ASPH: variants seen among roughly 807,000 people sequenced by gnomAD.
ASPH encodes aspartate beta-hydroxylase.
A neutral mutation model predicts 118.4 loss-of-function variants in ASPH; 100 were observed. The observed-to-expected ratio is 0.84, with a 90% CI of 0.72 to 1.00. The LOEUF (loss-of-function observed/expected upper bound fraction) is 1.00, where lower values mean the gene tolerates loss of function less well. Ranked by LOEUF, ASPH falls within the 50% of genes least tolerant of loss-of-function variation. The pLI, the probability that ASPH is intolerant of heterozygous loss-of-function variation, is 0.00. For missense variants in ASPH, 920 were observed against 919.5 expected, an observed-to-expected ratio of 1.00 and a Z score of -0.01; for synonymous variants, 315 against 325.6, an observed-to-expected ratio of 0.97 and a Z score of 0.35.
chr8:61,649,094 G>A (rs1408346019), intron 5 of ASPH, among the ~76,000 whole-genome samples: 1 of 152,150 alleles, frequency 6.6e-6, no homozygotes, highest in Non-Finnish European at 1.5e-5. Flanking sequence ...AGGTTATAGA[G>A]GAGCAAGTAT....
intron 3 of ASPH, among the ~76,000 whole-genome samples, chr8:61,669,445 C>T (rs1268744088): frequency 1.3e-5 from 2 of 152,162 alleles, no homozygotes; most frequent in African/African-American, 2.4e-5. Context: ...ATATGAAATA[C>T]ATAGGTAACC....
At chr8:61,658,702 C>A (rs537981489) in intron 3 of ASPH, 1 of 152,226 alleles carries the variant, frequency 6.6e-6, no homozygotes, top group Non-Finnish European at 1.5e-5. Context: ...TCTTTACACC[C>A]CCCTCCCTGC....
chr8:61,547,592 T>C (rs1824386617), intron 21 of ASPH, among the ~76,000 whole-genome samples: 1 of 152,248 alleles, frequency 6.6e-6, no homozygotes, highest in African/African-American at 2.4e-5. Context: ...TCCTGTTGTC[T>C]ATTAATCCAG....
chr8:61,543,857 C>G (rs1822840798), intron 21 of ASPH, among the ~76,000 whole-genome samples: 1 of 152,072 alleles, frequency 6.6e-6, no homozygotes, highest in Non-Finnish European at 1.5e-5. Context: ...ATCTCTATTG[C>G]CTGTAGCCTT....
chr8:61,653,245 G>C (rs1274530288), intron 4 of ASPH, among the ~76,000 whole-genome samples: 1 of 152,140 alleles, frequency 6.6e-6, no homozygotes, highest in East Asian at 1.9e-4. Flanking sequence ...GTGTAGAATT[G>C]TGTGTATTTT....
intron 14 of ASPH, among the ~76,000 whole-genome samples, chr8:61,586,568 C>G (rs1384301168): frequency 6.6e-6 from 1 of 152,146 alleles, no homozygotes; most frequent in Non-Finnish European, 1.5e-5. Context: ...TCACTCTGCG[C>G]CAGTCGCCCG....
Position 61,503,050 on chromosome 8 carries a change from T to C in ASPH, c.*309A>G. The C allele has an allele frequency of 4.4e-6, 1 of 225,008 alleles. No individual in the cohort carries two copies. Among genetic ancestry groups the C allele is most frequent in the Admixed American group, 5.8e-5 (1 of 17,382 alleles). The allele number at this position is 225,008 out of a possible 1,614,324, so 13.9% of individuals were successfully genotyped here. Reference sequence around the variant, plus strand: ...CATATGTTCTCATTATACATTGAATTAGACCTATTCTATGTGGAAAAAATA... The same window carrying C: ...CATATGTTCTCATTATACATTGAATCAGACCTATTCTATGTGGAAAAAATA... On this transcript the variant is annotated 3_prime_UTR_variant, in exon 25 of 25. Transcript: ENST00000379454.
chr8:61,631,348 C>T (rs909290520), intron 13 of ASPH, among the ~76,000 whole-genome samples: 1 of 152,170 alleles, frequency 6.6e-6, no homozygotes, highest in South Asian at 2.1e-4. Context: ...GTGCTGTAAG[C>T]TCTACTCATG....
intron 5 of ASPH, among the ~76,000 whole-genome samples, chr8:61,647,249 A>G (rs145817398): frequency 5.2e-4 from 79 of 152,350 alleles, no homozygotes; most frequent in African/African-American, 1.6e-3. Flanking sequence ...TGCCTCTTCA[A>G]TTATCCTCAG....
chr8:61,545,994 C>A (rs1196714695), intron 21 of ASPH, among the ~76,000 whole-genome samples: 1 of 152,226 alleles, frequency 6.6e-6, no homozygotes, highest in Non-Finnish European at 1.5e-5. Flanking sequence ...TGCCAGCCAT[C>A]TGGTGTTTCA....
At position 61,517,666 on chromosome 8, in the gene ASPH, A is replaced by G; in HGVS notation, c.1993-5T>C. On this transcript the variant is annotated splice_region_variant and splice_polypyrimidine_tract_variant and intron_variant, in intron 23 of 24. Coordinates refer to ENST00000379454, the MANE Select transcript of ASPH (RefSeq NM_004318.4). Reference sequence around the variant, plus strand: ...GTGCATGATGGAATATTTGATCTGCATAGAAAACATGACACTCCATTCAGC... The same window carrying G: ...GTGCATGATGGAATATTTGATCTGCGTAGAAAACATGACACTCCATTCAGC... 1 of 1,612,936 alleles carries G rather than the reference A, an allele frequency of 6.2e-7. No homozygotes were observed. The highest frequency in any genetic ancestry group is 8.5e-7 in the Non-Finnish European group (1 of 1,178,992).
chr8:61,682,463 A>G, intron 2 of ASPH: 1 of 1,612,816 alleles, frequency 6.2e-7, no homozygotes, highest in South Asian at 1.1e-5. Flanking sequence ...GATAAGTTAT[A>G]ACGGAAGTCC....
chr8:61,548,917 C>G lies in ASPH; in HGVS notation c.1627-709G>C, dbSNP rs530944319. Among the ~76,000 whole-genome samples the G allele has an allele frequency of 2.6e-5, 4 of 152,316 alleles. No homozygotes were observed. The East Asian group carries it at 7.7e-4, about 29-fold the overall frequency. On this transcript the variant is annotated intron_variant, in intron 20 of 24. Coordinates refer to ENST00000379454, the MANE Select transcript of ASPH (RefSeq NM_004318.4). Reference sequence around the variant, plus strand: ...CCTCCAAGACTAGCCTTTTCAGGGACAGCTGGCTACGGAGCATGACGCTCT... The same window carrying G: ...CCTCCAAGACTAGCCTTTTCAGGGAGAGCTGGCTACGGAGCATGACGCTCT...
At chr8:61,559,150 C>T (rs1299551279) in intron 18 of ASPH, among the ~76,000 whole-genome samples, 1 of 152,098 alleles carries the variant, frequency 6.6e-6, no homozygotes, top group Non-Finnish European at 1.5e-5. Context: ...GATGGGGTAT[C>T]CAGCCCCTCA....
At chr8:61,629,021 T>C (rs927158393) in intron 13 of ASPH, among the ~76,000 whole-genome samples, 3 of 152,202 alleles carry the variant, frequency 2.0e-5, no homozygotes, top group African/African-American at 4.8e-5. Flanking sequence ...TTATAGGCCT[T>C]ATTGATCAAT....
chr8:61,588,081 A>C (rs796850526), intron 14 of ASPH, among the ~76,000 whole-genome samples: 10 of 152,278 alleles, frequency 6.6e-5, no homozygotes, highest in African/African-American at 2.4e-4. Flanking sequence ...GTACACCTAT[A>C]AGGTACTAGA....
chr8:61,517,711 G>A (rs1190970547), intron 23 of ASPH, 50 bp from the exon 24 acceptor site: 6 of 1,587,020 alleles, frequency 3.8e-6, no homozygotes, highest in East Asian at 2.3e-5. Flanking sequence ...AGGTGTGGAG[G>A]AACTGCTAAG....
chr8:61,706,414 AAAAAAAAAAAAAAAAGAAGAAG>A lies in ASPH; in HGVS notation c.103+7833_103+7854del, dbSNP rs551750028. ...AGCGAGGTCATGACTCAAAAAAAAA[AAAAAAAAAAAAAAAAGAAGAAG>A]AAGAAGAAGAAGAAGAAGAAGGAGG... On this transcript the variant is annotated intron_variant, in intron 1 of 24. Coordinates refer to ENST00000379454, the MANE Select transcript of ASPH (RefSeq NM_004318.4). Among the ~76,000 whole-genome samples the A allele has an allele frequency of 4.8e-3, 704 of 145,230 alleles. 10 individuals carry two copies. Among genetic ancestry groups the A allele is most frequent in the African/African-American group, 0.018 (666 of 37,714 alleles).
At chr8:61,698,679 G>T (rs1475136135) in intron 1 of ASPH, among the ~76,000 whole-genome samples, 2 of 152,074 alleles carry the variant, frequency 1.3e-5, no homozygotes, top group Non-Finnish European at 2.9e-5. Context: ...CCTGTGACCG[G>T]CACCCATCCT....
Sources: allele counts gnomAD v4.1 joint callset (sites outside exome capture counted in the v4.1 genomes callset), GRCh38; gene constraint gnomAD v4.1.1; transcripts MANE v1.5; gene names NCBI Gene and HGNC (gene_info 2026-07-23, HGNC 2026-07-21).